BACH2: variants seen among roughly 807,000 people sequenced by gnomAD.
The protein encoded by BACH2 is BACH transcriptional regulator 2.
BACH2 carries 5 observed loss-of-function variants against 61.8 expected under a neutral mutation model. The ratio of observed to expected loss-of-function variants is 0.08; its 90% CI spans 0.04 to 0.17. BACH2 has a LOEUF of 0.17. BACH2 is among the 10% of genes least tolerant of loss of function. BACH2 has a pLI of 1.00. For synonymous variants in BACH2, 446 were observed against 440.1 expected (o/e 1.01, Z -0.17); for missense variants, 824 against 1,091.1 (o/e 0.76, Z 3.45).
chr6:89,998,032 G>A lies in BACH2; in HGVS notation c.243+10570C>T, dbSNP rs78829153. ...AAATGAGTAACAATGACATTTAATA[G>A]CTGTCCTTTATAAAACAGAAGATAA... On this transcript the variant is annotated intron_variant, in intron 6 of 8. Coordinates refer to ENST00000257749, the MANE Select transcript of BACH2 (RefSeq NM_021813.4). Among the ~76,000 whole-genome samples the A allele has an allele frequency of 6.7e-3, 1,024 of 152,306 alleles. 23 individuals carry two copies. In the East Asian group the frequency reaches 0.08, roughly 12 times the overall value.
At chr6:90,031,511 G>C (rs953872361) in intron 5 of BACH2, among the ~76,000 whole-genome samples, 10 of 152,114 alleles carry the variant, frequency 6.6e-5, no homozygotes, top group African/African-American at 2.4e-4. Flanking sequence ...CAAAGTCTCA[G>C]GATACAAAAT....
intron 2 of BACH2, among the ~76,000 whole-genome samples, chr6:90,271,412 A>AAAAAG (rs952116282): frequency 6.6e-6 from 1 of 151,278 alleles, no homozygotes; most frequent in Non-Finnish European, 1.5e-5. Context: ...GAAAAGAAAA[A>AAAAAG]AAAAGAAAAG....
At chr6:89,989,764 G>T (rs758616224) in intron 6 of BACH2, among the ~76,000 whole-genome samples, 1 of 152,150 alleles carries the variant, frequency 6.6e-6, no homozygotes, top group Non-Finnish European at 1.5e-5. Context: ...TGGGGGAGGA[G>T]GAATCTGAAT....
intron 5 of BACH2, among the ~76,000 whole-genome samples, chr6:90,051,548 T>C (rs1031287781): frequency 5.3e-5 from 8 of 152,208 alleles, no homozygotes; most frequent in African/African-American, 1.4e-4. Flanking sequence ...ATATTTACTA[T>C]ATGCCTTTTT....
At chr6:89,938,757 T>A (rs1393349719) in intron 7 of BACH2, among the ~76,000 whole-genome samples, 2 of 152,144 alleles carry the variant, frequency 1.3e-5, no homozygotes, top group Non-Finnish European at 2.9e-5. Context: ...AGCCCCTGAA[T>A]GAAGAGAGCC....
At chr6:90,044,487 C>T (rs188326613) in intron 5 of BACH2, among the ~76,000 whole-genome samples, 5 of 152,258 alleles carry the variant, frequency 3.3e-5, no homozygotes, top group Admixed American at 6.5e-5. Flanking sequence ...GGGTTTTACT[C>T]TAAGTGTTAT....
intron 3 of BACH2, among the ~76,000 whole-genome samples, chr6:90,233,273 T>C (rs1770156766): frequency 6.6e-6 from 1 of 152,180 alleles, no homozygotes; most frequent in South Asian, 2.1e-4. Context: ...TGTGGTAAAG[T>C]ATTTATTGGA....
chr6:89,976,311 C>T (rs1046119430), intron 6 of BACH2, among the ~76,000 whole-genome samples: 7 of 152,202 alleles, frequency 4.6e-5, no homozygotes, highest in African/African-American at 9.6e-5. Flanking sequence ...GCACATTAGC[C>T]GCAGGCAAGC....
chr6:90,108,844 A>C (rs1310739754), intron 4 of BACH2, among the ~76,000 whole-genome samples: 1 of 152,146 alleles, frequency 6.6e-6, no homozygotes, highest in Non-Finnish European at 1.5e-5. Flanking sequence ...GGACAGAGGG[A>C]TGACCTGCCC....
intron 5 of BACH2, among the ~76,000 whole-genome samples, chr6:90,017,853 T>C (rs980300776): frequency 1.3e-5 from 2 of 152,218 alleles, no homozygotes; most frequent in African/African-American, 4.8e-5. Context: ...TAACTGAACA[T>C]TTTTGATTGG....
At chr6:90,164,302 T>C (rs1767527197) in intron 4 of BACH2, among the ~76,000 whole-genome samples, 1 of 152,076 alleles carries the variant, frequency 6.6e-6, no homozygotes, top group African/African-American at 2.4e-5. Flanking sequence ...GCAAAAAACT[T>C]GAAAATCTAG....
In BACH2 at chr6:89,983,533, G is replaced by A. The variant is rs536161914; in HGVS notation, c.243+25069C>T. ...AAAATACAAAAATTAGCCGGGTGTG[G>A]TGGCAGGCATCTGTAGTCCCAGCTA... On this transcript the variant is annotated intron_variant, in intron 6 of 8. Transcript: ENST00000257749. Among the ~76,000 whole-genome samples, 7 of 152,268 alleles carry A rather than the reference G, an allele frequency of 4.6e-5. No individual in the cohort carries two copies. In the South Asian group the frequency reaches 1.5e-3, roughly 32 times the overall value.
At chr6:90,277,662 T>G (rs1771737748) in intron 1 of BACH2, among the ~76,000 whole-genome samples, 2 of 152,218 alleles carry the variant, frequency 1.3e-5, no homozygotes, top group Non-Finnish European at 2.9e-5. Context: ...AGAAATAAAA[T>G]TAATCAGCTT....
At chr6:89,945,859 T>C (rs935443581) in intron 7 of BACH2, among the ~76,000 whole-genome samples, 2 of 152,226 alleles carry the variant, frequency 1.3e-5, no homozygotes, top group Non-Finnish European at 2.9e-5. Flanking sequence ...TTTATTTATA[T>C]GGTGTGTATA....
At chr6:90,127,415 G>C (rs910141574) in intron 4 of BACH2, among the ~76,000 whole-genome samples, 1 of 152,140 alleles carries the variant, frequency 6.6e-6, no homozygotes, top group Admixed American at 6.5e-5. Flanking sequence ...TTCCCTCTAG[G>C]GCAAGCCTCA....
At chr6:90,082,043 A>T (rs1335276403) in intron 5 of BACH2, among the ~76,000 whole-genome samples, 1 of 152,220 alleles carries the variant, frequency 6.6e-6, no homozygotes, top group Non-Finnish European at 1.5e-5. Flanking sequence ...CTCTGTTCAC[A>T]GCACAAGAAG....
intron 5 of BACH2, among the ~76,000 whole-genome samples, chr6:90,043,156 A>G (rs1779617564): frequency 6.6e-6 from 1 of 152,192 alleles, no homozygotes; most frequent in Non-Finnish European, 1.5e-5. Flanking sequence ...CTGGGGTTGA[A>G]ATAAATTGTT....
chr6:89,939,529 T>G (rs947309082), intron 7 of BACH2, among the ~76,000 whole-genome samples: 2 of 152,164 alleles, frequency 1.3e-5, no homozygotes, highest in Non-Finnish European at 2.9e-5. Context: ...CCAGCAAAAT[T>G]CCAAATCTTG....
intron 6 of BACH2, among the ~76,000 whole-genome samples, chr6:89,995,705 T>C (rs1044897776): frequency 1.8e-4 from 27 of 152,208 alleles, no homozygotes; most frequent in Non-Finnish European, 7.4e-5. Context: ...TTTAAAACAA[T>C]ACGTGGCACT....
Sources: gnomAD v4.1 joint callset for allele counts (sites outside exome capture counted in the v4.1 genomes callset) on GRCh38, gnomAD v4.1.1 for gene constraint, MANE v1.5 for transcripts, NCBI Gene and HGNC (gene_info 2026-07-23, HGNC 2026-07-21) for gene names.